DIAPH3: variants seen among roughly 807,000 people sequenced by gnomAD.
DIAPH3 encodes diaphanous related formin 3, also known as protein diaphanous homolog 3.
In DIAPH3, 117 loss-of-function variants were observed where a neutral mutation model predicts 144.3. That is an observed-to-expected ratio of 0.81 (90% CI 0.70 to 0.95). The LOEUF (loss-of-function observed/expected upper bound fraction) is 0.95. Ranked by LOEUF, DIAPH3 falls within the 40% of genes least tolerant of loss-of-function variation. The pLI, the probability that DIAPH3 is intolerant of heterozygous loss-of-function variation, is 0.00. For missense variants in DIAPH3, 1,421 were observed against 1,412.7 expected, an observed-to-expected ratio of 1.01 and a Z score of -0.09; for synonymous variants, 519 against 488.9, an observed-to-expected ratio of 1.06 and a Z score of -0.81.
intron 1 of DIAPH3, among the ~76,000 whole-genome samples, chr13:60,133,204 A>AC (rs1164007005): frequency 6.6e-6 from 1 of 152,058 alleles, no homozygotes; most frequent in Non-Finnish European, 1.5e-5. Flanking sequence ...ACTTACTAAA[A>AC]TTTTTTTACT....
chr13:60,016,933 C>G (rs1231860898), intron 5 of DIAPH3, among the ~76,000 whole-genome samples: 2 of 152,096 alleles, frequency 1.3e-5, no homozygotes, highest in African/African-American at 4.8e-5. Context: ...AAATGAATAC[C>G]TTTTCTCAGT....
intron 21 of DIAPH3, among the ~76,000 whole-genome samples, chr13:59,874,232 G>A (rs1456950779): frequency 6.6e-6 from 1 of 152,104 alleles, no homozygotes; most frequent in Non-Finnish European, 1.5e-5. Flanking sequence ...GAACTGGTGT[G>A]GGGACTGCGG....
intron 14 of DIAPH3, among the ~76,000 whole-genome samples, chr13:59,975,908 A>G (rs1398722503): frequency 6.6e-6 from 1 of 151,974 alleles, no homozygotes; most frequent in Non-Finnish European, 1.5e-5. Context: ...AAATAATTAA[A>G]AAGATTCTAA....
At chr13:59,978,324 T>G (rs1394387164) in intron 14 of DIAPH3, among the ~76,000 whole-genome samples, 1 of 151,654 alleles carries the variant, frequency 6.6e-6, no homozygotes. Context: ...TGAGAGGTCA[T>G]TTTCTCTTTT....
chr13:60,085,875 C>T lies in DIAPH3; in HGVS notation c.495+7753G>A, dbSNP rs535716939. On this transcript the variant is annotated intron_variant, in intron 4 of 27. Coordinates refer to ENST00000400324, the MANE Select transcript of DIAPH3 (RefSeq NM_001042517.2). ...TTCACAAAAATCTAAAAAGTAAGTA[C>T]GAGCATAGCAAAATGTCTTAGGCCA... Among the ~76,000 whole-genome samples the T allele has an allele frequency of 3.3e-5, 5 of 152,044 alleles. No homozygotes were observed. In the East Asian group the frequency reaches 5.8e-4, roughly 18 times the overall value.
chr13:59,719,521 T>C (rs976952520), intron 27 of DIAPH3, among the ~76,000 whole-genome samples: 17 of 152,070 alleles, frequency 1.1e-4, no homozygotes, highest in African/African-American at 4.1e-4. Flanking sequence ...TGACATTCCA[T>C]TAGGCCATGA....
At chr13:60,008,686 C>A (rs1201981072) in intron 8 of DIAPH3, 37 bp from the exon 9 acceptor site, 2 of 1,291,762 alleles carry the variant, frequency 1.5e-6, no homozygotes, top group Admixed American at 1.7e-5. Context: ...TTGCAAGTAG[C>A]AAACACAAAT....
intron 25 of DIAPH3, among the ~76,000 whole-genome samples, chr13:59,793,573 AC>A (rs1343539131): frequency 6.6e-6 from 1 of 152,170 alleles, no homozygotes; most frequent in East Asian, 1.9e-4. Flanking sequence ...GCTTCATGAT[AC>A]CAGACTTTCT....
At chr13:59,900,877 T>C (rs1279878084) in intron 20 of DIAPH3, among the ~76,000 whole-genome samples, 1 of 152,212 alleles carries the variant, frequency 6.6e-6, no homozygotes, top group African/African-American at 2.4e-5. Context: ...CCCTCATCTC[T>C]ATAAATGGGA....
chr13:59,801,267 G>C (rs373212635), intron 25 of DIAPH3, among the ~76,000 whole-genome samples: 7 of 152,230 alleles, frequency 4.6e-5, no homozygotes, highest in African/African-American at 1.4e-4. Context: ...ACACTTGAAG[G>C]CTACTTTGCA....
At chr13:59,725,492 A>C (rs2035564365) in intron 27 of DIAPH3, among the ~76,000 whole-genome samples, 1 of 152,230 alleles carries the variant, frequency 6.6e-6, no homozygotes, top group Admixed American at 6.5e-5. Context: ...TAGTCACTGC[A>C]AATAAGACTT....
intron 4 of DIAPH3, among the ~76,000 whole-genome samples, chr13:60,059,011 C>G (rs2056663805): frequency 6.6e-6 from 1 of 151,632 alleles, no homozygotes; most frequent in East Asian, 1.9e-4. Context: ...ACCCCTAAAG[C>G]TGTTGAAATA....
chr13:59,771,336 A>G (rs1050379242), intron 27 of DIAPH3, among the ~76,000 whole-genome samples: 3 of 152,158 alleles, frequency 2.0e-5, no homozygotes, highest in African/African-American at 7.2e-5. Context: ...TTTCTATAAT[A>G]TTTCTAACAC....
chr13:59,811,808 T>C (rs1424628008), intron 24 of DIAPH3, among the ~76,000 whole-genome samples: 3 of 150,354 alleles, frequency 2.0e-5, no homozygotes, highest in Admixed American at 2.0e-4. Context: ...TCAAAACTAA[T>C]AATAACATGC....
At chr13:60,055,734 A>G (rs1223313488) in intron 4 of DIAPH3, among the ~76,000 whole-genome samples, 1 of 151,934 alleles carries the variant, frequency 6.6e-6, no homozygotes, top group African/African-American at 2.4e-5. Flanking sequence ...GAAAGAAAGA[A>G]ATGAAAAAAT....
At chr13:60,087,122 G>C (rs1338638875) in intron 4 of DIAPH3, among the ~76,000 whole-genome samples, 2 of 152,158 alleles carry the variant, frequency 1.3e-5, no homozygotes, top group Non-Finnish European at 2.9e-5. Flanking sequence ...AACAAGAAAA[G>C]AAAGCTGTGC....
intron 9 of DIAPH3, among the ~76,000 whole-genome samples, chr13:59,996,285 A>G (rs1346314840): frequency 6.6e-6 from 1 of 152,056 alleles, no homozygotes; most frequent in Non-Finnish European, 1.5e-5. Flanking sequence ...GCATCTTTAT[A>G]TGTTAGAAGT....
chr13:59,699,567 T>G (rs1034621929), intron 27 of DIAPH3, among the ~76,000 whole-genome samples: 1 of 152,220 alleles, frequency 6.6e-6, no homozygotes, highest in Non-Finnish European at 1.5e-5. Context: ...AGAATGATCT[T>G]AAATCCAGGT....
At chr13:59,982,210 CTACAT>C (rs1389779521) in intron 13 of DIAPH3, among the ~76,000 whole-genome samples, 2 of 151,378 alleles carry the variant, frequency 1.3e-5, no homozygotes, top group African/African-American at 4.8e-5. Context: ...TTTATTAAAA[CTACAT>C]AAGCACGCAT....
Sources: allele counts gnomAD v4.1 joint callset (sites outside exome capture counted in the v4.1 genomes callset), GRCh38; gene constraint gnomAD v4.1.1; transcripts MANE v1.5; gene names NCBI Gene and HGNC (gene_info 2026-07-23, HGNC 2026-07-21).